PDCD6: variants seen among roughly 807,000 people sequenced by gnomAD.
PDCD6 encodes programmed cell death protein 6.
In PDCD6, 12 loss-of-function variants were observed where a neutral mutation model predicts 28.3. The observed-to-expected ratio is 0.42, with a 90% CI of 0.27 to 0.69. The LOEUF is 0.69. PDCD6 is among the 30% of genes least tolerant of loss of function. PDCD6 has a pLI of 0.22. For missense variants in PDCD6, 226 were observed against 269.9 expected (o/e 0.84, Z 1.14); for synonymous variants, 92 against 108.0 (o/e 0.85, Z 0.92).
chr5:299,837 C>A (rs890874618), intron 2 of PDCD6, among the ~76,000 whole-genome samples: 1 of 151,360 alleles, frequency 6.6e-6, no homozygotes, highest in Non-Finnish European at 1.5e-5. Flanking sequence ...GCGCCAGCCA[C>A]CGCGCCCAGC....
intron 2 of PDCD6, among the ~76,000 whole-genome samples, chr5:278,638 A>T (rs1738355552): frequency 6.6e-6 from 1 of 151,530 alleles, no homozygotes; most frequent in East Asian, 1.9e-4. Context: ...GCTTCAGCCT[A>T]GGAGGTGAAG....
intron 3 of PDCD6, chr5:304,879 C>T (rs1369131353): frequency 6.6e-6 from 1 of 152,306 alleles, no homozygotes; most frequent in Admixed American, 6.5e-5. Flanking sequence ...TTTTAAGAGA[C>T]AGGGTGTCCC....
intron 2 of PDCD6, chr5:276,399 G>A (rs1738204892): frequency 1.0e-6 from 1 of 991,222 alleles, no homozygotes; most frequent in Non-Finnish European, 1.2e-6. Context: ...TGTGTTGTAT[G>A]TACAGGCACA....
chr5:278,481 G>A (rs1328215441), intron 2 of PDCD6, among the ~76,000 whole-genome samples: 1 of 151,468 alleles, frequency 6.6e-6, no homozygotes, highest in Non-Finnish European at 1.5e-5. Flanking sequence ...AGGCTGAGGT[G>A]GGAGGATTAC....
chr5:306,523 G>A lies in PDCD6; in HGVS notation c.209-79G>A, dbSNP rs982742034. The stretch of plus-strand genomic sequence containing the variant: ...CAGTGGGGCCCCGCCAGGCTCTGAG[G>A]GCTGAGGTCTGGTGGGAAGCCTCAA... On this transcript the variant is annotated intron_variant, in intron 3 of 5. Coordinates refer to ENST00000264933, the MANE Select transcript of PDCD6 (RefSeq NM_013232.4). The A allele has an allele frequency of 7.3e-6, 11 of 1,513,544 alleles. No homozygotes were observed. The African/African-American group carries it at 1.1e-4, about 15-fold the overall frequency. The allele number at this position is 1,513,544 out of a possible 1,614,324, so 93.8% of individuals were successfully genotyped here. A position where few individuals can be genotyped will look rare whatever the true frequency, so the allele number is the denominator to read the frequency against.
At chr5:281,500 G>A (rs148633960) in intron 2 of PDCD6, among the ~76,000 whole-genome samples, 1,552 of 152,362 alleles carry the variant, frequency 0.01, 49 homozygotes, top group Admixed American at 0.067. Context: ...TGTGAGGGTC[G>A]TGGAGCTGGA....
At chr5:274,942 A>G (rs1423365181) in intron 2 of PDCD6, among the ~76,000 whole-genome samples, 5 of 152,186 alleles carry the variant, frequency 3.3e-5, no homozygotes, top group Admixed American at 6.5e-5. Context: ...TGAGTCCACC[A>G]TTCCTGAGAT....
rs1740621324 is a variant in PDCD6, at chr5:307,788, G to A, written c.367+1028G>A. 1.3e-5 allele frequency among the ~76,000 whole-genome samples: 2 copies of A among 151,840 alleles called. No homozygotes were observed. Among genetic ancestry groups the A allele is most frequent in the Admixed American group, 6.6e-5 (1 of 15,248 alleles). ...GGAGTCTCACTTATCTAAGCACGTC[G>A]CCTCTCCTCGTGTTTCCTCCCAGCA... On this transcript the variant is annotated intron_variant, in intron 4 of 5. Transcript: ENST00000264933. This position sits in a 1 kb window ranked among gnomAD's most constrained non-coding sequence, Gnocchi z 6.1.
intron 2 of PDCD6, among the ~76,000 whole-genome samples, chr5:297,366 C>T (rs967980102): frequency 2.0e-5 from 3 of 152,246 alleles, no homozygotes; most frequent in Non-Finnish European, 2.9e-5. Flanking sequence ...GTACGGATTT[C>T]ATAATTGTGT....
chr5:312,411 T>G (rs1373025397), intron 5 of PDCD6: 2 of 152,228 alleles, frequency 1.3e-5, no homozygotes, highest in Non-Finnish European at 2.9e-5. Flanking sequence ...ATGTGGAAAT[T>G]TGGAAAACGT....
rs1234503537 is a variant in PDCD6 at position 275,921 on chromosome 5, G to A, written c.163+3149G>A. On this transcript the variant is annotated intron_variant, in intron 2 of 5. Transcript: ENST00000264933. Reference sequence around the variant, plus strand: ...TCTGCCTGGTGGCATCCTACTGGATGTCTCAGCCGAGCCACTCTGTTCTGA... The same window carrying A: ...TCTGCCTGGTGGCATCCTACTGGATATCTCAGCCGAGCCACTCTGTTCTGA... The A allele has an allele frequency of 6.9e-5, 55 of 799,224 alleles. No homozygotes were observed. In the African/African-American group the frequency reaches 9.5e-4, roughly 14 times the overall value. 49.5% of individuals were successfully genotyped at this position (799,224 alleles called of 1,614,324 possible).
chr5:278,904 G>A (rs1282104486), intron 2 of PDCD6, among the ~76,000 whole-genome samples: 4 of 151,586 alleles, frequency 2.6e-5, no homozygotes, highest in African/African-American at 9.7e-5. Flanking sequence ...GGCTAGGGAT[G>A]CAAGCTTTCC....
Position 272,783 on chromosome 5 carries a change from C to T in PDCD6, c.163+11C>T. 1 of 1,574,056 alleles carries T rather than the reference C, an allele frequency of 6.4e-7. No homozygotes were observed. Among genetic ancestry groups the T allele is most frequent in the African/African-American group, 1.8e-5 (1 of 55,902 alleles). Reference sequence around the variant, plus strand: ...AAGCTCTCTCCAACGGTGAGTGGGCCAGTGGGAACTGGGTCTCCGGACCAA... The same window carrying T: ...AAGCTCTCTCCAACGGTGAGTGGGCTAGTGGGAACTGGGTCTCCGGACCAA... On this transcript the variant is annotated intron_variant, in intron 2 of 5. Transcript: ENST00000264933.
chr5:279,940 C>T (rs1198601530), intron 2 of PDCD6, among the ~76,000 whole-genome samples: 31 of 138,836 alleles, frequency 2.2e-4, no homozygotes, highest in Non-Finnish European at 1.1e-4. Flanking sequence ...GAGCATCTAG[C>T]TTCCCGGAGT....
Position 307,081 on chromosome 5 carries a change from G to A in PDCD6, c.367+321G>A, listed in dbSNP as rs565687913. On this transcript the variant is annotated intron_variant, in intron 4 of 5. Coordinates refer to ENST00000264933, the MANE Select transcript of PDCD6 (RefSeq NM_013232.4). The surrounding 1 kb of genome is among the most constrained non-coding windows in gnomAD (Gnocchi z 6.1). ...AAAGTGGATCCATGAAAATACCGTG[G>A]GGCAGGGCAGCTTATATTTCATGAT... Among the ~76,000 whole-genome samples the A allele has an allele frequency of 4.6e-5, 7 of 152,288 alleles. No homozygotes were observed. The highest frequency in any genetic ancestry group is 1.4e-4 in the African/African-American group (6 of 41,558).
At chr5:289,518 A>G (rs1739188479) in intron 2 of PDCD6, 1 of 729,812 alleles carries the variant, frequency 1.4e-6, no homozygotes, top group Non-Finnish European at 2.5e-6. Context: ...CCATAACCGA[A>G]GAAATTTCGC....
At chr5:300,706 T>A (rs1739998774) in intron 2 of PDCD6, among the ~76,000 whole-genome samples, 1 of 152,248 alleles carries the variant, frequency 6.6e-6, no homozygotes, top group Non-Finnish European at 1.5e-5. Flanking sequence ...TGGTTCTCTC[T>A]TGGTTTCTGT....
chr5:288,892 A>G, intron 2 of PDCD6: 2 of 1,567,040 alleles, frequency 1.3e-6, no homozygotes, highest in South Asian at 1.2e-5. Flanking sequence ...TCCATGGATG[A>G]TTCTGAAAGA....
rs765680201 is a variant in PDCD6, at chr5:306,626, C to T, written c.233C>T (p.Ala78Val). ...IISMFDRENK[A>V]GVNFSEFTGV... ...GCCATGTTTGACCGTGAGAACAAGG[C>T]CGGCGTGAACTTCAGCGAGTTCACG... Residue 78 changes from alanine to valine, a missense_variant, in exon 4 of 6, where the codon GCC becomes GTC. Transcript: ENST00000264933. The T allele has an allele frequency of 6.2e-7, 1 of 1,613,908 alleles. No homozygotes were observed. Among genetic ancestry groups the T allele is most frequent in the Non-Finnish European group, 8.5e-7 (1 of 1,179,984 alleles).
Sources: allele counts gnomAD v4.1 joint callset (sites outside exome capture counted in the v4.1 genomes callset), GRCh38; gene constraint gnomAD v4.1.1; non-coding constraint Gnocchi (gnomAD v3.1); transcripts MANE v1.5; gene names NCBI Gene and HGNC (gene_info 2026-07-23, HGNC 2026-07-21).